The following MBNL1 variants were observed in gnomAD, a reference collection of about 807,000 sequenced individuals.
The protein encoded by MBNL1 is muscleblind like splicing regulator 1.
MBNL1 carries 8 observed loss-of-function variants against 42.2 expected under a neutral mutation model. The observed-to-expected ratio is 0.19, with a 90% CI of 0.11 to 0.34. MBNL1 has a LOEUF of 0.34. Ranked by LOEUF, MBNL1 falls within the 10% of genes least tolerant of loss-of-function variation. The probability of loss-of-function intolerance (pLI) is 1.00; values close to 1 mark genes in which losing one functional copy is unlikely to be tolerated. For missense variants in MBNL1, 309 were observed against 495.3 expected (o/e 0.62, Z 3.57); for synonymous variants, 169 against 173.9 (o/e 0.97, Z 0.22).
chr3:152,296,672 TTGTGTG>T (rs10564035), intron 1 of MBNL1, among the ~76,000 whole-genome samples: 42 of 148,592 alleles, frequency 2.8e-4, no homozygotes, highest in Middle Eastern at 3.5e-3. Flanking sequence ...GAGGCAATGA[TTGTGTG>T]TGTGTGTGTG....
In MBNL1 at chr3:152,299,675, C is replaced by T. The variant is rs942518880; in HGVS notation, c.-519C>T. On this transcript the variant is annotated 5_prime_UTR_variant, in exon 2 of 10. Transcript: ENST00000324210. ...GGAAATCAAGGAGGAAAAAAAAAAT[C>T]ATTTTCTCGATTTTGCTCTAAACTG... 22 of 398,424 alleles carry T rather than the reference C, an allele frequency of 5.5e-5. No homozygotes were observed. The highest frequency in any genetic ancestry group is 3.9e-4 in the African/African-American group (19 of 48,598). The allele number at this position is 398,424 out of a possible 1,614,324, so 24.7% of individuals were successfully genotyped here. A position where few individuals can be genotyped will look rare whatever the true frequency, so the allele number is the denominator to read the frequency against.
In MBNL1 at chr3:152,289,463, G is replaced by A. The variant is rs575473781; in HGVS notation, c.-789-9942G>A. The stretch of plus-strand genomic sequence containing the variant: ...TGAAGTGAAAATAGGAGTTGTCAAT[G>A]CATGTCTTTGTTTTGTGGCGTATCT... On this transcript the variant is annotated intron_variant, in intron 1 of 9. Transcript: ENST00000324210. Among the ~76,000 whole-genome samples, 3 of 152,128 alleles carry A rather than the reference G, an allele frequency of 2.0e-5. No homozygotes were observed. In the East Asian group the frequency reaches 5.8e-4, roughly 29 times the overall value.
intron 2 of MBNL1, among the ~76,000 whole-genome samples, chr3:152,374,658 C>G (rs1280961779): frequency 1.3e-5 from 2 of 152,216 alleles, no homozygotes; most frequent in Admixed American, 6.5e-5. Context: ...ATTAAATAAT[C>G]TAGATCACAT....
intron 2 of MBNL1, among the ~76,000 whole-genome samples, chr3:152,315,714 T>C (rs916255507): frequency 1.3e-5 from 2 of 152,252 alleles, no homozygotes; most frequent in African/African-American, 2.4e-5. Flanking sequence ...CCTTTTGTTT[T>C]AGCAGCTCAG....
At chr3:152,293,327 G>A (rs2057013168) in intron 1 of MBNL1, among the ~76,000 whole-genome samples, 1 of 152,162 alleles carries the variant, frequency 6.6e-6, no homozygotes, top group South Asian at 2.1e-4. Context: ...CCCATATAAT[G>A]TATAACATCT....
intron 2 of MBNL1, among the ~76,000 whole-genome samples, chr3:152,319,914 C>G (rs2075351699): frequency 6.6e-6 from 1 of 152,014 alleles, no homozygotes; most frequent in South Asian, 2.1e-4. Context: ...CAGTGATCAT[C>G]AAATGCAACA....
At chr3:152,391,432 A>G (rs77940421) in intron 2 of MBNL1, among the ~76,000 whole-genome samples, 2,437 of 152,112 alleles carry the variant, frequency 0.016, 57 homozygotes, top group African/African-American at 0.056. Flanking sequence ...CCTTCTTTCT[A>G]TGTTTTCGTT....
intron 2 of MBNL1, among the ~76,000 whole-genome samples, chr3:152,410,759 C>T (rs1352140723): frequency 1.3e-5 from 2 of 152,180 alleles, no homozygotes; most frequent in East Asian, 1.9e-4. Context: ...GGCACAGAAA[C>T]GTAACGTTGT....
chr3:152,361,433 A>G (rs2095941229), intron 2 of MBNL1, among the ~76,000 whole-genome samples: 1 of 150,338 alleles, frequency 6.7e-6, no homozygotes, highest in Non-Finnish European at 1.5e-5. Context: ...ATAAAGAGAC[A>G]GAAGACATAC....
intron 2 of MBNL1, among the ~76,000 whole-genome samples, chr3:152,336,536 A>T (rs1165307669): frequency 2.0e-5 from 3 of 152,222 alleles, no homozygotes; most frequent in Non-Finnish European, 2.9e-5. Flanking sequence ...CTAAGATGAA[A>T]AAGTATTTTT....
At chr3:152,293,738 C>A (rs1385532284) in intron 1 of MBNL1, among the ~76,000 whole-genome samples, 2 of 152,030 alleles carry the variant, frequency 1.3e-5, no homozygotes, top group Admixed American at 1.3e-4. Context: ...TCAAAATTAC[C>A]AGCTAACTAC....
At chr3:152,457,036 T>A (rs1407179401) in intron 8 of MBNL1, among the ~76,000 whole-genome samples, 1 of 152,192 alleles carries the variant, frequency 6.6e-6, no homozygotes, top group Non-Finnish European at 1.5e-5. Context: ...TCATTCTGTA[T>A]TCCATGCAAA....
intron 6 of MBNL1, among the ~76,000 whole-genome samples, chr3:152,448,545 G>C (rs1001162563): frequency 3.3e-5 from 5 of 151,990 alleles, no homozygotes; most frequent in African/African-American, 4.8e-5. Context: ...TTACTAACCA[G>C]AAACTCAAAT....
chr3:152,433,581 T>A (rs1278515484), intron 4 of MBNL1, among the ~76,000 whole-genome samples: 2 of 151,872 alleles, frequency 1.3e-5, no homozygotes, highest in African/African-American at 4.8e-5. Context: ...AAACCCCATC[T>A]CTACTAAAAA....
At chr3:152,307,595 C>T (rs963918214) in intron 2 of MBNL1, among the ~76,000 whole-genome samples, 1 of 152,126 alleles carries the variant, frequency 6.6e-6, no homozygotes, top group African/African-American at 2.4e-5. Context: ...TTCCATTTCA[C>T]AGATGGACAC....
intron 2 of MBNL1, among the ~76,000 whole-genome samples, chr3:152,260,695 A>G (rs547987887): frequency 6.6e-6 from 1 of 152,322 alleles, no homozygotes; most frequent in Non-Finnish European, 1.5e-5. Flanking sequence ...AACAAACAGC[A>G]AACTAAGCAT....
At chr3:152,436,712 G>T (rs1334956266) in intron 4 of MBNL1, among the ~76,000 whole-genome samples, 1 of 152,128 alleles carries the variant, frequency 6.6e-6, no homozygotes, top group East Asian at 1.9e-4. Flanking sequence ...TTTGTTACTG[G>T]TTATATTTTG....
intron 2 of MBNL1, among the ~76,000 whole-genome samples, chr3:152,328,414 G>A (rs916429417): frequency 3.3e-5 from 5 of 152,028 alleles, no homozygotes; most frequent in Non-Finnish European, 5.9e-5. Context: ...AATTATTTAA[G>A]TAATTACTGT....
chr3:152,253,890 G>C (rs1402670232), intron 2 of MBNL1, among the ~76,000 whole-genome samples: 1 of 151,974 alleles, frequency 6.6e-6, no homozygotes, highest in Admixed American at 6.6e-5. Flanking sequence ...TAATTTTACT[G>C]ATAGCACATA....
Sources: gnomAD v4.1 joint callset for allele counts (sites outside exome capture counted in the v4.1 genomes callset) on GRCh38, gnomAD v4.1.1 for gene constraint, MANE v1.5 for transcripts, NCBI Gene and HGNC (gene_info 2026-07-23, HGNC 2026-07-21) for gene names.